The following HMGA2 variants were observed in gnomAD, a reference collection of about 807,000 sequenced individuals.
The protein encoded by HMGA2 is high mobility group protein HMGI-C.
Under a neutral mutation model 19.1 loss-of-function variants are expected in HMGA2, and 8 were observed. The observed-to-expected ratio is 0.42, with a 90% CI of 0.25 to 0.76. HMGA2 has a LOEUF of 0.76. HMGA2 is among the 30% of genes least tolerant of loss of function. The pLI is 0.28. For missense variants in HMGA2, 109 were observed against 136.3 expected (o/e 0.80, Z 1.00); for synonymous variants, 60 against 48.8 (o/e 1.23, Z -0.96).
At chr12:65,959,945 A>G (rs1876705630) in intron 4 of HMGA2, among the ~76,000 whole-genome samples, 1 of 151,946 alleles carries the variant, frequency 6.6e-6, no homozygotes, top group African/African-American at 2.4e-5. Context: ...GCTGGAGTGC[A>G]GTGGCACCAT....
intron 3 of HMGA2, among the ~76,000 whole-genome samples, chr12:65,930,506 C>T (rs1296495529): frequency 6.6e-6 from 1 of 152,202 alleles, no homozygotes; most frequent in African/African-American, 2.4e-5. Context: ...TTGGCTTCTC[C>T]TACTGAATTT....
At position 65,951,590 on chromosome 12, in the gene HMGA2, G is replaced by A. The variant is rs111232462; in HGVS notation, c.282+175G>A. Reference sequence around the variant, plus strand: ...AGTTAGGAATATATAGTCTGCAATCGTACCATGAAAACCTCCCAAAATGTA... The same window carrying A: ...AGTTAGGAATATATAGTCTGCAATCATACCATGAAAACCTCCCAAAATGTA... On this transcript the variant is annotated intron_variant, in intron 4 of 4. Coordinates refer to ENST00000403681, the MANE Select transcript of HMGA2 (RefSeq NM_003483.6). The A allele has an allele frequency of 5.1e-4, 276 of 539,406 alleles. 1 individual carries two copies. Among genetic ancestry groups the A allele is most frequent in the African/African-American group, 4.6e-3 (239 of 51,938 alleles). The allele number at this position is 539,406 out of a possible 1,614,324, so 33.4% of individuals were successfully genotyped here.
chr12:65,861,779 A>T (rs998724772), intron 3 of HMGA2, among the ~76,000 whole-genome samples: 1 of 151,610 alleles, frequency 6.6e-6, no homozygotes, highest in African/African-American at 2.4e-5. Flanking sequence ...GGCTTTAAAG[A>T]TATGCTTTAA....
Position 65,827,987 on chromosome 12 carries a change from T to TC in HMGA2, c.112-11dup, listed in dbSNP as rs765040743. The TC allele has an allele frequency of 6.3e-6, 10 of 1,579,834 alleles. No homozygotes were observed. Among genetic ancestry groups the TC allele is most frequent in the South Asian group, 1.1e-5 (1 of 90,370 alleles). Reference sequence around the variant, plus strand: ...TTCTTGCCACAACAGCATTTTTTTTTCCCTCACAATTAGGAACCAACCGGT... The same window carrying TC: ...TTCTTGCCACAACAGCATTTTTTTTTCCCCTCACAATTAGGAACCAACCGGT... On this transcript the variant is annotated splice_polypyrimidine_tract_variant and intron_variant, in intron 1 of 4. Coordinates refer to ENST00000403681, the MANE Select transcript of HMGA2 (RefSeq NM_003483.6).
chr12:65,854,128 C>T (rs887873923), intron 3 of HMGA2, among the ~76,000 whole-genome samples: 1 of 152,184 alleles, frequency 6.6e-6, no homozygotes, highest in Non-Finnish European at 1.5e-5. Context: ...GTTCCACCTA[C>T]GTTGTTTGTT....
chr12:65,915,334 C>T (rs1400519128), intron 3 of HMGA2: 1 of 1,381,626 alleles, frequency 7.2e-7, no homozygotes, highest in African/African-American at 1.5e-5. Flanking sequence ...ACTGCTACCC[C>T]ATATGGCACC....
At chr12:65,877,927 T>G (rs1370736912) in intron 3 of HMGA2, among the ~76,000 whole-genome samples, 1 of 152,182 alleles carries the variant, frequency 6.6e-6, no homozygotes, top group Non-Finnish European at 1.5e-5. Context: ...TGTGAAAATT[T>G]TTTCTTTAAG....
chr12:65,872,124 G>T (rs1872740013), intron 3 of HMGA2, among the ~76,000 whole-genome samples: 1 of 152,082 alleles, frequency 6.6e-6, no homozygotes, highest in Non-Finnish European at 1.5e-5. Context: ...CTTGGCTTCT[G>T]CCCCCTTCAT....
intron 3 of HMGA2, among the ~76,000 whole-genome samples, chr12:65,882,845 A>T (rs984265872): frequency 6.6e-5 from 10 of 152,216 alleles, no homozygotes; most frequent in Non-Finnish European, 1.5e-4. Context: ...CTGCTAGGGA[A>T]ATATTTTTTA....
intron 3 of HMGA2, among the ~76,000 whole-genome samples, chr12:65,924,178 C>A (rs187028412): frequency 4.6e-5 from 7 of 152,222 alleles, no homozygotes; most frequent in Admixed American, 2.6e-4. Flanking sequence ...GGAAGCTTTA[C>A]CCACTTCCTA....
At position 65,932,800 on chromosome 12, in the gene HMGA2, G is replaced by A. The variant is rs867069980; in HGVS notation, c.250-18583G>A. On this transcript the variant is annotated intron_variant, in intron 3 of 4. Transcript: ENST00000403681. ...ACTGTGCAGCAACAGGACTCTCTGGGCATTGTGACAGGTCTACTGTCTACA... is the reference window on the plus strand; with the variant it reads ...ACTGTGCAGCAACAGGACTCTCTGGACATTGTGACAGGTCTACTGTCTACA... 1.1e-4 allele frequency among the ~76,000 whole-genome samples: 17 copies of A among 152,304 alleles called. No homozygotes were observed. The South Asian group carries it at 1.2e-3, about 11-fold the overall frequency.
chr12:65,879,165 T>C (rs1873217089), intron 3 of HMGA2, among the ~76,000 whole-genome samples: 1 of 152,268 alleles, frequency 6.6e-6, no homozygotes. Context: ...TCTAGCTCTG[T>C]CGCCCAGGCG....
intron 3 of HMGA2, among the ~76,000 whole-genome samples, chr12:65,921,388 A>G (rs1337482749): frequency 6.6e-6 from 1 of 152,076 alleles, no homozygotes; most frequent in Non-Finnish European, 1.5e-5. Context: ...GCCTGGGACT[A>G]CAGGTGCCCG....
intron 3 of HMGA2, chr12:65,881,665 A>AGGGGAGAAATATGAGAG (rs1186204303): frequency 1.6e-5 from 11 of 683,704 alleles, no homozygotes; most frequent in Admixed American, 8.1e-5. Flanking sequence ...AGAGAGAGAG[A>AGGGGAGAAATATGAGAG]GGGGAGAAAT....
intron 3 of HMGA2, among the ~76,000 whole-genome samples, chr12:65,892,459 T>A (rs1873951355): frequency 6.6e-6 from 1 of 152,218 alleles, no homozygotes; most frequent in Non-Finnish European, 1.5e-5. Context: ...ATTGTGTTTT[T>A]AATTAATTAA....
At chr12:65,864,658 T>C (rs1872292648) in intron 3 of HMGA2, among the ~76,000 whole-genome samples, 1 of 152,160 alleles carries the variant, frequency 6.6e-6, no homozygotes, top group Admixed American at 6.5e-5. Context: ...CATATACTCC[T>C]CTTTTCTTAG....
intron 4 of HMGA2, chr12:65,953,947 A>G (rs1333557525): frequency 6.6e-6 from 1 of 152,226 alleles, no homozygotes; most frequent in Middle Eastern, 3.2e-3. Flanking sequence ...CCTTCCTTCA[A>G]CAGCACTTTG....
chr12:65,944,142 A>T (rs903930809), intron 3 of HMGA2, among the ~76,000 whole-genome samples: 1 of 152,224 alleles, frequency 6.6e-6, no homozygotes, highest in Non-Finnish European at 1.5e-5. Flanking sequence ...ATCAAAATAC[A>T]TTCCTTAGGT....
intron 3 of HMGA2, among the ~76,000 whole-genome samples, chr12:65,936,439 T>C (rs1875897702): frequency 6.6e-6 from 1 of 152,158 alleles, no homozygotes; most frequent in African/African-American, 2.4e-5. Context: ...CTGGTTGCCA[T>C]ACATATTCCT....
Sources: allele counts gnomAD v4.1 joint callset (sites outside exome capture counted in the v4.1 genomes callset), GRCh38; gene constraint gnomAD v4.1.1; transcripts MANE v1.5; gene names NCBI Gene and HGNC (gene_info 2026-07-23, HGNC 2026-07-21).